TBC1D5: variants seen among roughly 807,000 people sequenced by gnomAD.
TBC1D5 encodes TBC1 domain family member 5, also known as TBC1 domain family, member 5.
A neutral mutation model predicts 100.3 loss-of-function variants in TBC1D5; 75 were observed. The observed-to-expected ratio is 0.75, with a 90% CI of 0.62 to 0.91. The LOEUF is 0.91. TBC1D5 is among the 40% of genes least tolerant of loss of function. The pLI is 0.00. For missense variants in TBC1D5, 910 were observed against 942.4 expected, an observed-to-expected ratio of 0.97 and a Z score of 0.45; for synonymous variants, 323 against 325.6, an observed-to-expected ratio of 0.99 and a Z score of 0.09.
chr3:17,614,048 C>A (rs1340794173), intron 2 of TBC1D5, among the ~76,000 whole-genome samples: 1 of 152,092 alleles, frequency 6.6e-6, no homozygotes, highest in Non-Finnish European at 1.5e-5. Flanking sequence ...AATCAATCTT[C>A]AATTAACTTT....
At chr3:17,665,364 A>G (rs2067150607) in intron 1 of TBC1D5, among the ~76,000 whole-genome samples, 1 of 152,184 alleles carries the variant, frequency 6.6e-6, no homozygotes, top group South Asian at 2.1e-4. Context: ...AAAGTTTGCA[A>G]ACTGAAAGTT....
intron 1 of TBC1D5, among the ~76,000 whole-genome samples, chr3:17,692,258 A>G (rs2071284030): frequency 6.6e-6 from 1 of 152,000 alleles, no homozygotes; most frequent in South Asian, 2.1e-4. Context: ...TGCCCAGCTA[A>G]TTTTTGTATT....
chr3:17,457,818 CAT>C (rs765867589), intron 3 of TBC1D5, among the ~76,000 whole-genome samples: 7 of 152,078 alleles, frequency 4.6e-5, no homozygotes, highest in South Asian at 2.1e-4. Context: ...GATATGGCCA[CAT>C]GTTTCCTTCT....
intron 13 of TBC1D5, among the ~76,000 whole-genome samples, chr3:17,334,345 T>C (rs184368961): frequency 5.9e-5 from 9 of 152,284 alleles, no homozygotes; most frequent in African/African-American, 1.9e-4. Flanking sequence ...TATCAGACTA[T>C]GTATATACAG....
chr3:17,534,139 C>A (rs981144584), intron 2 of TBC1D5, among the ~76,000 whole-genome samples: 5 of 152,046 alleles, frequency 3.3e-5, no homozygotes, highest in African/African-American at 1.2e-4. Context: ...AATGAGGGCC[C>A]CTGTTCCAGA....
At chr3:17,422,760 T>C (rs1336066529) in intron 4 of TBC1D5, among the ~76,000 whole-genome samples, 1 of 152,198 alleles carries the variant, frequency 6.6e-6, no homozygotes, top group Non-Finnish European at 1.5e-5. Flanking sequence ...TTATTGATTA[T>C]ATGCAAATAA....
chr3:17,535,646 GA>G (rs2096274383), intron 2 of TBC1D5, among the ~76,000 whole-genome samples: 2 of 151,986 alleles, frequency 1.3e-5, no homozygotes, highest in South Asian at 4.1e-4. Context: ...TTGTTCCAAA[GA>G]TTAAAATAAA....
At chr3:17,478,498 G>T (rs1214810051) in intron 3 of TBC1D5, among the ~76,000 whole-genome samples, 1 of 152,038 alleles carries the variant, frequency 6.6e-6, no homozygotes, top group Non-Finnish European at 1.5e-5. Flanking sequence ...TTTTATAGTT[G>T]TCAGTGTACT....
At chr3:17,553,733 T>C (rs1576668519) in intron 2 of TBC1D5, among the ~76,000 whole-genome samples, 2 of 152,232 alleles carry the variant, frequency 1.3e-5, no homozygotes, top group Non-Finnish European at 1.5e-5. Context: ...ACTGGAAGTA[T>C]TCTGTAATTT....
intron 2 of TBC1D5, among the ~76,000 whole-genome samples, chr3:17,512,684 C>A (rs1233701334): frequency 2.0e-5 from 3 of 152,186 alleles, no homozygotes; most frequent in Non-Finnish European, 4.4e-5. Context: ...GGGAAAGGCC[C>A]TATCCTTCCT....
intron 2 of TBC1D5, among the ~76,000 whole-genome samples, chr3:17,602,668 G>A (rs1560256637): frequency 6.8e-6 from 1 of 147,648 alleles, no homozygotes; most frequent in Non-Finnish European, 1.5e-5. Context: ...CACCTCCTGG[G>A]TTCGTGCCAT....
At chr3:17,612,231 T>G (rs1263835865) in intron 2 of TBC1D5, among the ~76,000 whole-genome samples, 4 of 149,362 alleles carry the variant, frequency 2.7e-5, no homozygotes, top group African/African-American at 9.9e-5. Flanking sequence ...GCCCCAGGGG[T>G]CTAGGCTACA....
intron 2 of TBC1D5, among the ~76,000 whole-genome samples, chr3:17,593,409 G>A (rs2153570678): frequency 6.6e-6 from 1 of 152,262 alleles, no homozygotes; most frequent in Admixed American, 6.5e-5. Context: ...CCACTGCTGA[G>A]TGCCCAATTT....
Position 17,225,840 on chromosome 3 carries a change from T to C in TBC1D5, c.1589-11470A>G, listed in dbSNP as rs568834894. 3.3e-5 allele frequency among the ~76,000 whole-genome samples: 5 copies of C among 152,206 alleles called. No homozygotes were observed. In the South Asian group the frequency reaches 1.0e-3, roughly 32 times the overall value. On this transcript the variant is annotated intron_variant, in intron 17 of 21. Coordinates refer to ENST00000253692, the Ensembl canonical transcript of TBC1D5. ...GTCTGGGCAACAGAGTGGGACCCTGTCTCAACAACAACAACAACAAACCCA... is the reference window on the plus strand; with the variant it reads ...GTCTGGGCAACAGAGTGGGACCCTGCCTCAACAACAACAACAACAAACCCA...
At chr3:17,238,282 G>C in exon 17 of TBC1D5, 1 of 1,614,036 alleles carries the variant, frequency 6.2e-7, no homozygotes. Context: ...AACAGAGGAG[G>C]AGCTACTGCT....
chr3:17,622,093 T>C (rs2062705317), intron 2 of TBC1D5, among the ~76,000 whole-genome samples: 1 of 152,182 alleles, frequency 6.6e-6, no homozygotes, highest in Non-Finnish European at 1.5e-5. Flanking sequence ...TTTCCATGAA[T>C]GGGAAGGGAG....
chr3:17,601,281 C>T (rs1005036031), intron 2 of TBC1D5, among the ~76,000 whole-genome samples: 4 of 152,278 alleles, frequency 2.6e-5, no homozygotes, highest in Non-Finnish European at 5.9e-5. Flanking sequence ...GAGGCCCAGG[C>T]GGGTGGATCA....
At chr3:17,709,634 A>G (rs2074516632) in intron 1 of TBC1D5, among the ~76,000 whole-genome samples, 1 of 152,212 alleles carries the variant, frequency 6.6e-6, no homozygotes, top group Non-Finnish European at 1.5e-5. Context: ...TTCCACTGAT[A>G]ATGATTCTAA....
intron 3 of TBC1D5, among the ~76,000 whole-genome samples, chr3:17,493,481 G>A (rs1392351666): frequency 2.0e-5 from 3 of 152,078 alleles, no homozygotes; most frequent in Admixed American, 6.6e-5. Context: ...GTCTTGCTAG[G>A]TTGGGGAAGT....
Sources: allele counts gnomAD v4.1 joint callset (sites outside exome capture counted in the v4.1 genomes callset), GRCh38; gene constraint gnomAD v4.1.1; transcripts MANE v1.5; gene names NCBI Gene and HGNC (gene_info 2026-07-23, HGNC 2026-07-21).